The following GABRR3 variants were observed in gnomAD, a reference collection of about 807,000 sequenced individuals.
GABRR3 encodes gamma-aminobutyric acid receptor subunit rho-3.
A neutral mutation model predicts 43.2 loss-of-function variants in GABRR3; 29 were observed. The ratio of observed to expected loss-of-function variants is 0.67; its 90% confidence interval spans 0.50 to 0.92. GABRR3 has a LOEUF of 0.92. Ranked by LOEUF, GABRR3 falls within the 40% of genes least tolerant of loss-of-function variation. The pLI is 0.00. For missense variants in GABRR3, 576 were observed against 572.3 expected (o/e 1.01, Z -0.07); for synonymous variants, 206 against 195.9 (o/e 1.05, Z -0.43).
exon 10 of GABRR3, chr3:97,986,794 A>G (rs1179248955): frequency 6.2e-7 from 1 of 1,611,580 alleles, no homozygotes; most frequent in Non-Finnish European, 8.5e-7. Flanking sequence ...TTCTACCAAC[A>G]TGTCCTCCTA....
At chr3:98,006,388 C>T (rs1706724825) in intron 7 of GABRR3, among the ~76,000 whole-genome samples, 1 of 152,168 alleles carries the variant, frequency 6.6e-6, no homozygotes, top group East Asian at 1.9e-4. Flanking sequence ...GAATCCCAAG[C>T]AATGTAGACA....
chr3:98,022,038 T>C (rs1159564094), intron 3 of GABRR3, among the ~76,000 whole-genome samples: 1 of 152,228 alleles, frequency 6.6e-6, no homozygotes, highest in Non-Finnish European at 1.5e-5. Flanking sequence ...CAGATCCTTC[T>C]GACTCACAGT....
exon 10 of GABRR3, chr3:97,986,750 T>A (rs768567466): frequency 6.3e-7 from 1 of 1,597,260 alleles, no homozygotes; most frequent in African/African-American, 1.3e-5. Context: ...AATCCTAGAA[T>A]AGGTGTCAAT....
intron 2 of GABRR3, among the ~76,000 whole-genome samples, chr3:98,030,258 C>A (rs1277370281): frequency 6.6e-6 from 1 of 151,574 alleles, no homozygotes; most frequent in Admixed American, 6.6e-5. Context: ...CCAGAAAAAT[C>A]ATAATTTTCT....
chr3:97,986,602 T>G, downstream of GABRR3: 1 of 953,380 alleles, frequency 1.0e-6, no homozygotes, highest in Admixed American at 2.8e-5. Flanking sequence ...CAGTTCCATC[T>G]AGGACTATCC....
chr3:98,018,943 C>G (rs543948831), intron 3 of GABRR3, among the ~76,000 whole-genome samples: 3 of 152,018 alleles, frequency 2.0e-5, no homozygotes, highest in African/African-American at 7.2e-5. Flanking sequence ...AACCCCGTCT[C>G]TACTAAAAAT....
chr3:97,997,256 A>ATAAT (rs111276003), intron 8 of GABRR3, among the ~76,000 whole-genome samples: 16,388 of 152,160 alleles, frequency 0.11, 991 homozygotes, highest in East Asian at 0.16. Context: ...ACAGAGAAAC[A>ATAAT]CAGGTGGGGA....
intron 8 of GABRR3, chr3:97,997,834 G>T (rs1706583533): frequency 6.6e-6 from 1 of 152,144 alleles, no homozygotes; most frequent in South Asian, 2.1e-4. Flanking sequence ...AAATGCAGAT[G>T]TACAAAAAGG....
intron 5 of GABRR3, 42 bp downstream of exon 5, chr3:98,012,302 T>G (rs1194079912): frequency 1.4e-6 from 2 of 1,457,852 alleles, no homozygotes; most frequent in South Asian, 2.3e-5. Flanking sequence ...TGCAGATGGC[T>G]GCAGTACAGG....
intron 4 of GABRR3, among the ~76,000 whole-genome samples, chr3:98,014,471 A>G (rs1172872712): frequency 1.3e-5 from 2 of 152,240 alleles, no homozygotes; most frequent in Non-Finnish European, 2.9e-5. Context: ...TCAGTAAAAG[A>G]GCTGCCTTTG....
intron 7 of GABRR3, among the ~76,000 whole-genome samples, chr3:98,006,571 A>C (rs994802075): frequency 6.6e-6 from 1 of 152,252 alleles, no homozygotes; most frequent in Non-Finnish European, 1.5e-5. Context: ...AGAGTGGAGA[A>C]TCTTTGAGGA....
intron 9 of GABRR3, among the ~76,000 whole-genome samples, chr3:97,988,376 C>A (rs1259805666): frequency 1.3e-5 from 2 of 152,114 alleles, no homozygotes; most frequent in Non-Finnish European, 2.9e-5. Flanking sequence ...CCGCACCCAG[C>A]CAAGAAAGAA....
At chr3:97,987,565 C>T (rs1706404266) in intron 9 of GABRR3, among the ~76,000 whole-genome samples, 1 of 152,114 alleles carries the variant, frequency 6.6e-6, no homozygotes, top group Admixed American at 6.5e-5. Context: ...AGAGAGGCTA[C>T]TATCGGATGA....
intron 7 of GABRR3, among the ~76,000 whole-genome samples, chr3:98,006,395 G>A (rs1363719431): frequency 1.3e-5 from 2 of 152,172 alleles, no homozygotes; most frequent in Non-Finnish European, 2.9e-5. Flanking sequence ...AAGCAATGTA[G>A]ACAAATAATG....
chr3:98,030,209 T>C (rs975974215), intron 2 of GABRR3, among the ~76,000 whole-genome samples: 3 of 151,854 alleles, frequency 2.0e-5, no homozygotes, highest in African/African-American at 7.3e-5. Context: ...TCTCAAGAAC[T>C]ATAAAAATAT....
chr3:97,989,804 C>G (rs1449159286), intron 9 of GABRR3, among the ~76,000 whole-genome samples: 1 of 152,068 alleles, frequency 6.6e-6, no homozygotes, highest in Non-Finnish European at 1.5e-5. Context: ...TGCCAGTGAC[C>G]AAGACAGTGA....
At chr3:98,028,118 T>G (rs1328711861) in intron 2 of GABRR3, among the ~76,000 whole-genome samples, 1 of 152,110 alleles carries the variant, frequency 6.6e-6, no homozygotes, top group Non-Finnish European at 1.5e-5. Flanking sequence ...AAATTAAGAA[T>G]AAAATTTTAT....
intron 3 of GABRR3, among the ~76,000 whole-genome samples, chr3:98,024,617 G>A (rs1706989979): frequency 6.6e-6 from 1 of 152,104 alleles, no homozygotes; most frequent in Non-Finnish European, 1.5e-5. Flanking sequence ...TTCATCAGAA[G>A]GCTGTATCTG....
chr3:97,987,084 G>T, intron 9 of GABRR3, 102 bp from the exon 10 acceptor site: 3 of 775,796 alleles, frequency 3.9e-6, no homozygotes, highest in Non-Finnish European at 6.0e-6. Flanking sequence ...TATCAGAACA[G>T]CAAGATAGGC....
Sources: gnomAD v4.1 joint callset for allele counts (sites outside exome capture counted in the v4.1 genomes callset) on GRCh38, gnomAD v4.1.1 for gene constraint, MANE v1.5 for transcripts, NCBI Gene and HGNC (gene_info 2026-07-23, HGNC 2026-07-21) for gene names.